The following ARC variants were observed in gnomAD, a reference collection of about 807,000 sequenced individuals.
The protein encoded by ARC is activity-regulated cytoskeleton-associated protein.
In ARC, 10 loss-of-function variants were observed where a neutral mutation model predicts 20.0. The observed-to-expected ratio is 0.50, with a 90% CI of 0.31 to 0.85. The LOEUF is 0.85. ARC is among the 40% of genes least tolerant of loss of function. The probability of loss-of-function intolerance (pLI) is 0.05; values close to 1 mark genes in which losing one functional copy is unlikely to be tolerated. For missense variants in ARC, 454 were observed against 555.5 expected (o/e 0.82, Z 1.84); for synonymous variants, 269 against 254.1 (o/e 1.06, Z -0.56).
At position 142,613,008 on chromosome 8, in the gene ARC, C is replaced by A; in HGVS notation, c.*73G>T. The A allele has an allele frequency of 7.8e-7, 1 of 1,274,502 alleles. No homozygotes were observed. The highest frequency in any genetic ancestry group is 1.1e-6 in the Non-Finnish European group (1 of 950,532). 78.9% of individuals were successfully genotyped at this position (1,274,502 alleles called of 1,614,324 possible). On this transcript the variant is annotated 3_prime_UTR_variant, in exon 1 of 3. Transcript: ENST00000356613. ...AGGGCTTCCCCTGCAGGAGTCAGCC[C>A]CAGCTCAAAAGTCCTGGTGGGCAAA...
At position 142,614,092 on chromosome 8, in the gene ARC, C is replaced by T. The variant is rs1405750632; in HGVS notation, c.180G>A (p.Glu60=). ...CGACCGACCGGTGCAGCCCCTTCAG[C>T]TCGCGCTCCACCTGCTTGGACACCT... ...LAEVSKQVER[E]LKGLHRSVGK... Residue 60 remains glutamate (E), a synonymous_variant, in exon 1 of 3, where the codon GAG becomes GAA. Transcript: ENST00000356613. 4.4e-6 allele frequency: 7 copies of T among 1,592,878 alleles called. No individual in the cohort carries two copies. The highest frequency in any genetic ancestry group is 5.1e-6 in the Non-Finnish European group (6 of 1,168,194).
chr8:142,613,423 G>A lies in ARC; in HGVS notation c.849C>T (p.Ala283=), dbSNP rs1434825017. 5 of 1,611,988 alleles carry A rather than the reference G, an allele frequency of 3.1e-6. No homozygotes were observed. In the Admixed American group the frequency reaches 8.3e-5, roughly 27 times the overall value. Residue 283 remains alanine (A), a synonymous_variant, in exon 1 of 3, where the codon GCC becomes GCT. Transcript: ENST00000356613. ...QYSEGTLSRE[A]IQRELDLPQK... ...GCGGCAGGTCCAGCTCGCGCTGGAT[G>A]GCCTCTCGGGACAGCGTGCCCTCGC...
At position 142,613,130 on chromosome 8, in the gene ARC, G is replaced by A; in HGVS notation, c.1142C>T (p.Pro381Leu). ...GGCCACGGACTCGCTGTTGGGGGCG[G>A]GCGTGAGGGTCTCCGCCTCATCCTC... ...PVEDEAETLT[P>L]APNSESVASD... The change falls in exon 1 of 3, where the codon CCC becomes CTC. Residue 381 changes from proline to leucine, a missense_variant. Coordinates refer to ENST00000356613, the MANE Select transcript of ARC (RefSeq NM_015193.5). 1 of 1,587,868 alleles carries A rather than the reference G, an allele frequency of 6.3e-7. No individual in the cohort carries two copies. The highest frequency in any genetic ancestry group is 8.6e-7 in the Non-Finnish European group (1 of 1,168,122).
In ARC at chr8:142,613,812, C is replaced by G; in HGVS notation, c.460G>C (p.Gly154Arg). The change falls in exon 1 of 3, where the codon GGT becomes CGT. Residue 154 changes from glycine to arginine, a missense_variant. Coordinates refer to ENST00000356613, the MANE Select transcript of ARC (RefSeq NM_015193.5). ...ARHTVSVGVG[G>R]PESYCHEADG... is the part of the protein sequence containing the mutation. ...GCCTCGTGGCAGTAGCTCTCGGGAC[C>G]CCCCACGCCCACGGAAACGGTGTGG... The G allele has an allele frequency of 6.4e-7, 1 of 1,558,096 alleles. No individual in the cohort carries two copies. The highest frequency in any genetic ancestry group is 8.6e-7 in the Non-Finnish European group (1 of 1,158,848).
At position 142,614,220 on chromosome 8, in the gene ARC, G is replaced by C. The variant is rs1340010362; in HGVS notation, c.52C>G (p.Arg18Gly). The C allele has an allele frequency of 6.6e-7, 1 of 1,508,712 alleles. No individual in the cohort carries two copies. The highest frequency in any genetic ancestry group is 2.0e-5 in the Admixed American group (1 of 49,030). The allele number at this position is 1,508,712 out of a possible 1,614,324, so 93.5% of individuals were successfully genotyped here. ...SGGLHAYPGPRGGQVAKPNVI... is the reference protein window; with the variant it reads ...SGGLHAYPGPGGGQVAKPNVI... ...TTGGGCTTGGCCACCTGCCCGCCCC[G>C]CGGCCCGGGGTAGGCGTGGAGCCCG... is the stretch of plus-strand genomic sequence containing the variant. The change falls in exon 1 of 3, where the codon CGG becomes GGG. Residue 18 changes from arginine (R) to glycine (G), a missense_variant. This residue lies in a region of ARC where 265 missense variants were observed against 301.7 expected (regional missense o/e 0.88). Coordinates refer to ENST00000356613, the MANE Select transcript of ARC (RefSeq NM_015193.5).
At position 142,611,739 on chromosome 8, in the gene ARC, C is replaced by CCT. The variant is rs1409501532; in HGVS notation, c.*859_*860dup. 1 of 152,418 alleles carries CCT rather than the reference C, an allele frequency of 6.6e-6. No individual in the cohort carries two copies. Among genetic ancestry groups the CCT allele is most frequent in the African/African-American group, 2.4e-5 (1 of 41,472 alleles). 9.4% of individuals were successfully genotyped at this position (152,418 alleles called of 1,614,324 possible). ...CTCCTGCCCTCTGCTGCAGCCGACTCCTCTCTGTAGCCCCCCTCTGGGCTG... is the reference window on the plus strand; with the variant it reads ...CTCCTGCCCTCTGCTGCAGCCGACTCCTCTCTCTGTAGCCCCCCTCTGGGCTG... On this transcript the variant is annotated 3_prime_UTR_variant, in exon 3 of 3. Coordinates refer to ENST00000356613, the MANE Select transcript of ARC (RefSeq NM_015193.5).
In ARC at chr8:142,613,192, C is replaced by A. The variant is rs1846272371; in HGVS notation, c.1080G>T (p.Glu360Asp). Residue 360 changes from glutamate to aspartate, a missense_variant, in exon 1 of 3, where the codon GAG (glutamate) becomes GAT (aspartate). Physicochemically the swap from Glu to Asp is conservative, Grantham distance 45. Around this residue, in one of 3 missense-constraint regions of ARC, gnomAD observed 72 missense variants for 59.4 expected, o/e 1.21. Coordinates refer to ENST00000356613, the MANE Select transcript of ARC (RefSeq NM_015193.5). ...QRGMEVQDDL[E>D]QAAEPAGPHL... The stretch of plus-strand genomic sequence containing the variant: ...GGGGGCCGGCCGGCTCGGCCGCCTG[C>A]TCCAGGTCATCCTGCACCTCCATGC... 2.5e-6 allele frequency: 4 copies of A among 1,611,802 alleles called. No individual in the cohort carries two copies. Among genetic ancestry groups the A allele is most frequent in the Non-Finnish European group, 2.5e-6 (3 of 1,179,458 alleles).
In ARC at chr8:142,613,705, G is replaced by A; in HGVS notation, c.567C>T (p.Ala189=). The A allele has an allele frequency of 6.4e-7, 1 of 1,562,050 alleles. No homozygotes were observed. The highest frequency in any genetic ancestry group is 8.6e-7 in the Non-Finnish European group (1 of 1,156,640). The change falls in exon 1 of 3, where the codon GCC becomes GCT. Residue 189 remains alanine, a synonymous_variant. Coordinates refer to ENST00000356613, the MANE Select transcript of ARC (RefSeq NM_015193.5). ...AAGELPGQEP[A]EAQQYQPWVP... ...CCCACGGCTGGTACTGCTGGGCCTC[G>A]GCGGGCTCCTGCCCGGGCAGCTCGC... is the stretch of plus-strand genomic sequence containing the variant.
rs72614036 is a variant in ARC at position 142,614,411 on chromosome 8, C to T, written c.-140G>A. ...CGCTGCGGGCCGGCGGCGGGGCCGG[C>T]GGAGCACGCCCGGGGAGGCAGGTCC... On this transcript the variant is annotated 5_prime_UTR_variant, in exon 1 of 3. Transcript: ENST00000356613. The T allele has an allele frequency of 0.11, 81,242 of 713,338 alleles. 7,124 individuals carry two copies. The highest frequency in any genetic ancestry group is 0.46 in the East Asian group (13,170 of 28,612). The allele number at this position is 713,338 out of a possible 1,614,324, so 44.2% of individuals were successfully genotyped here. A position where few individuals can be genotyped will look rare whatever the true frequency, so the allele number is the denominator to read the frequency against.
rs1846284979 is a variant in ARC, at chr8:142,614,113, C to T, written c.159G>A (p.Val53=). 6.3e-7 allele frequency: 1 copy of T among 1,592,184 alleles called. No individual in the cohort carries two copies. Among genetic ancestry groups the T allele is most frequent in the South Asian group, 1.1e-5 (1 of 89,602 alleles). ...TCAGCTCGCGCTCCACCTGCTTGGA[C>T]ACCTCGGCCAGCAGGTGCCGGTGCG... is the stretch of plus-strand genomic sequence containing the variant. The part of the protein sequence containing the change: ...RRTHRHLLAE[V]SKQVERELKG... The change falls in exon 1 of 3, where the codon GTG becomes GTA. Residue 53 remains valine (V), a synonymous_variant. Transcript: ENST00000356613.
rs908989447 is a variant in ARC, at chr8:142,614,356, C to G, written c.-85G>C. The G allele has an allele frequency of 5.9e-6, 7 of 1,185,230 alleles. No homozygotes were observed. The highest frequency in any genetic ancestry group is 2.9e-5 in the South Asian group (1 of 34,586). The allele number at this position is 1,185,230 out of a possible 1,614,324, so 73.4% of individuals were successfully genotyped here. On this transcript the variant is annotated 5_prime_UTR_variant, in exon 1 of 3. Coordinates refer to ENST00000356613, the MANE Select transcript of ARC (RefSeq NM_015193.5). ...CGCTGGGGTCCGGCGGCCTGGGTCC[C>G]GTGCGGAGCTGCGGGGAGCGCCTGT...
Position 142,614,197 on chromosome 8 carries a change from G to A in ARC, c.75C>T (p.Pro25=). The A allele has an allele frequency of 6.6e-7, 1 of 1,526,114 alleles. No homozygotes were observed. The highest frequency in any genetic ancestry group is 8.8e-7 in the Non-Finnish European group (1 of 1,138,400). The allele number at this position is 1,526,114 out of a possible 1,614,324, so 94.5% of individuals were successfully genotyped here. A position where few individuals can be genotyped will look rare whatever the true frequency, so the allele number is the denominator to read the frequency against. ...ACTTCCCGATCTGCAGGATCACGTT[G>A]GGCTTGGCCACCTGCCCGCCCCGCG... The part of the protein sequence containing the change: ...PGPRGGQVAK[P]NVILQIGKCR... The change falls in exon 1 of 3, where the codon CCC becomes CCT. Residue 25 remains proline, a synonymous_variant. Transcript: ENST00000356613.
At position 142,613,198 on chromosome 8, in the gene ARC, G is replaced by T; in HGVS notation, c.1074C>A (p.Asp358Glu). 1 of 1,612,238 alleles carries T rather than the reference G, an allele frequency of 6.2e-7. No homozygotes were observed. The highest frequency in any genetic ancestry group is 8.5e-7 in the Non-Finnish European group (1 of 1,179,598). ...CGGCCGGCTCGGCCGCCTGCTCCAG[G>T]TCATCCTGCACCTCCATGCCCCTCT... ...LIQRGMEVQDDLEQAAEPAGP... is the reference protein window; with the variant it reads ...LIQRGMEVQDELEQAAEPAGP... The change falls in exon 1 of 3, where the codon GAC becomes GAA. Residue 358 changes from aspartate to glutamate, a missense_variant. Asp to Glu is a conservative substitution (Grantham distance 45, BLOSUM62 2). Transcript: ENST00000356613.
intron 1 of ARC, 113 bp downstream of exon 1, chr8:142,612,371 T>G (rs969786885): frequency 1.3e-5 from 2 of 152,374 alleles, no homozygotes; most frequent in Admixed American, 1.3e-4. Context: ...CCCATCCCTT[T>G]GGCTAACTTG....
chr8:142,613,280 G>A lies in ARC; in HGVS notation c.992C>T (p.Pro331Leu), dbSNP rs1288649487. The change falls in exon 1 of 3, where the codon CCC becomes CTC. Residue 331 changes from proline to leucine, a missense_variant. Physicochemically the swap from Pro to Leu is moderately conservative, Grantham distance 98. Transcript: ENST00000356613. ...IIQYVVGTLQ[P>L]KLKRFLRHPL... ...GTGGCGCAGGAAACGCTTGAGCTTG[G>A]GCTGCAGGGTGCCCACCACGTACTG... 6.2e-7 allele frequency: 1 copy of A among 1,613,678 alleles called. No individual in the cohort carries two copies. The highest frequency in any genetic ancestry group is 8.5e-7 in the Non-Finnish European group (1 of 1,179,984).
rs1160664504 is a variant in ARC, at chr8:142,613,704, C to T, written c.568G>A (p.Glu190Lys). The change falls in exon 1 of 3, where the codon GAG becomes AAG. Residue 190 changes from glutamate (E) to lysine (K), a missense_variant. By Grantham distance (56) the Glu-to-Lys change is moderately conservative. This residue lies in a region of ARC where 265 missense variants were observed against 301.7 expected (regional missense o/e 0.88). Coordinates refer to ENST00000356613, the MANE Select transcript of ARC (RefSeq NM_015193.5). ...AGELPGQEPA[E>K]AQQYQPWVPG... Reference sequence around the variant, plus strand: ...ACCCACGGCTGGTACTGCTGGGCCTCGGCGGGCTCCTGCCCGGGCAGCTCG... The same window carrying T: ...ACCCACGGCTGGTACTGCTGGGCCTTGGCGGGCTCCTGCCCGGGCAGCTCG... 1.9e-6 allele frequency: 3 copies of T among 1,560,248 alleles called. No homozygotes were observed. Among genetic ancestry groups the T allele is most frequent in the South Asian group, 2.3e-5 (2 of 87,372 alleles).
rs34195051 is a variant in ARC at position 142,611,970 on chromosome 8, C to T, written c.*743-113G>A. On this transcript the variant is annotated intron_variant, in intron 2 of 2. Transcript: ENST00000356613. ...CTGGTCTTCCAAGGCAGAGGCCCCC[C>T]GACCCCGTCAGAGCCTCCCAGCGAG... 558 of 153,022 alleles carry T rather than the reference C, an allele frequency of 3.6e-3. 1 individual carries two copies. The highest frequency in any genetic ancestry group is 6.8e-3 in the Middle Eastern group (2 of 296). The allele number at this position is 153,022 out of a possible 1,614,324, so 9.5% of individuals were successfully genotyped here.
chr8:142,613,859 G>T lies in ARC; in HGVS notation c.413C>A (p.Pro138Gln). 6.5e-7 allele frequency: 1 copy of T among 1,546,868 alleles called. No homozygotes were observed. The highest frequency in any genetic ancestry group is 2.4e-5 in the East Asian group (1 of 41,506). The change falls in exon 1 of 3, where the codon CCG becomes CAG. Residue 138 changes from proline (P) to glutamine (Q), a missense_variant. Coordinates refer to ENST00000356613, the MANE Select transcript of ARC (RefSeq NM_015193.5). ...DRLESTGGKY[P>Q]VGSESARHTV... ...GTGGCGGGCTGACTCGCTGCCCACC[G>T]GGTACTTGCCGCCCGTGGACTCCAG...
chr8:142,614,412 GGAGCAC>G lies in ARC; in HGVS notation c.-147_-142del. 2 of 695,870 alleles carry G rather than the reference GGAGCAC, an allele frequency of 2.9e-6. No individual in the cohort carries two copies. The highest frequency in any genetic ancestry group is 4.0e-6 in the Non-Finnish European group (2 of 501,056). 43.1% of individuals were successfully genotyped at this position (695,870 alleles called of 1,614,324 possible). ...GCTGCGGGCCGGCGGCGGGGCCGGCGGAGCACGCCCGGGGAGGCAGGTCCGGCTCGG... is the reference window on the plus strand; with the variant it reads ...GCTGCGGGCCGGCGGCGGGGCCGGCGGCCCGGGGAGGCAGGTCCGGCTCGG... On this transcript the variant is annotated 5_prime_UTR_variant, in exon 1 of 3. Coordinates refer to ENST00000356613, the MANE Select transcript of ARC (RefSeq NM_015193.5).
Sources: gnomAD v4.1 joint callset for allele counts on GRCh38, gnomAD v4.1.1 for gene constraint, gnomAD v4.1.1 regional missense constraint, MANE v1.5 for transcripts, NCBI Gene and HGNC (gene_info 2026-07-23, HGNC 2026-07-21) for gene names.